Variants in SYNE3 observed in about 807,000 individuals in gnomAD.
SYNE3 encodes spectrin repeat containing nuclear envelope family member 3.
SYNE3 carries 100 observed loss-of-function variants against 111.2 expected under a neutral mutation model. The ratio of observed to expected loss-of-function variants is 0.90; its 90% CI spans 0.77 to 1.06. SYNE3 has a LOEUF of 1.06. SYNE3 is among the 50% of genes least tolerant of loss of function. The probability of loss-of-function intolerance (pLI) is 0.00; values close to 1 mark genes in which losing one functional copy is unlikely to be tolerated. For missense variants in SYNE3, 1,160 were observed against 1,240.3 expected, an observed-to-expected ratio of 0.94 and a Z score of 0.97; for synonymous variants, 547 against 533.9, an observed-to-expected ratio of 1.02 and a Z score of -0.34.
At position 95,439,699 on chromosome 14, in the gene SYNE3, G is replaced by A. The variant is rs140338587; in HGVS notation, c.2159C>T (p.Pro720Leu). 328 of 1,614,024 alleles carry A rather than the reference G, an allele frequency of 2.0e-4. No individual in the cohort carries two copies. Among genetic ancestry groups the A allele is most frequent in the Non-Finnish European group, 2.5e-4 (296 of 1,180,036 alleles). Residue 720 changes from proline to leucine, a missense_variant, in exon 13 of 18, where the codon CCG (proline) becomes CTG (leucine). Transcript: ENST00000682763. ...CTCCTGCACCACGGCAGCACCCTCC[G>A]GAGAAGACTTCTCCATCACCAGCCA... ...QGWLVMEKSS[P>L]EGAAVVQEEL... is the part of the protein sequence containing the mutation.
In SYNE3 at chr14:95,500,736, C is replaced by A. The variant is rs1245037727; in HGVS notation, c.-15+15860G>T. 6.6e-6 allele frequency among the ~76,000 whole-genome samples: 1 copy of A among 152,200 alleles called. No individual in the cohort carries two copies. Among genetic ancestry groups the A allele is most frequent in the Non-Finnish European group, 1.5e-5 (1 of 68,038 alleles). ...TTTAACATCTTTTCCCTCGCAGGAC[C>A]CTGGGTTGTCCCCAGCAGCCCCATA... is the stretch of plus-strand genomic sequence containing the variant. On this transcript the variant is annotated intron_variant, in intron 1 of 17. Coordinates refer to ENST00000682763, the MANE Select transcript of SYNE3 (RefSeq NM_152592.6). This position sits in a 1 kb window ranked among gnomAD's most constrained non-coding sequence, Gnocchi z 4.7.
rs769207782 is a variant in SYNE3 at position 95,452,394 on chromosome 14, T to C, written c.1138-11A>G. On this transcript the variant is annotated splice_polypyrimidine_tract_variant and intron_variant, in intron 6 of 17. Transcript: ENST00000682763. ...CGCCGCCCGTGTTGCCTGCAGCACA[T>C]GACGACACCGCAGCGGGAGGTGAGG... is the stretch of plus-strand genomic sequence containing the variant. 3.1e-6 allele frequency: 5 copies of C among 1,602,298 alleles called. No individual in the cohort carries two copies. Among genetic ancestry groups the C allele is most frequent in the Non-Finnish European group, 4.3e-6 (5 of 1,174,912 alleles).
chr14:95,466,303 C>G (rs1000405641), intron 3 of SYNE3, 63 bp from the exon 4 acceptor site: 11 of 1,506,822 alleles, frequency 7.3e-6, no homozygotes, highest in Non-Finnish European at 9.8e-6. Flanking sequence ...GGTCGGGGGT[C>G]TGTGCTGTCA....
intron 14 of SYNE3, 36 bp from the exon 15 acceptor site, chr14:95,437,017 AAAG>A (rs759619847): frequency 1.2e-6 from 2 of 1,613,156 alleles, no homozygotes; most frequent in Non-Finnish European, 1.7e-6. Context: ...GTCAGAGGTG[AAAG>A]AGCCCCCCTG....
chr14:95,510,363 G>A (rs1023436367), intron 1 of SYNE3, among the ~76,000 whole-genome samples: 1 of 152,156 alleles, frequency 6.6e-6, no homozygotes, highest in African/African-American at 2.4e-5. Context: ...CACAGCAACC[G>A]TGCATTAGGA....
At chr14:95,428,100 A>G (rs1056294859) in intron 17 of SYNE3, among the ~76,000 whole-genome samples, 6 of 152,204 alleles carry the variant, frequency 3.9e-5, no homozygotes, top group East Asian at 1.9e-4. Context: ...TGCACCTTCA[A>G]TGTAAGGAGA....
At position 95,500,307 on chromosome 14, in the gene SYNE3, C is replaced by A. The variant is rs1169768266; in HGVS notation, c.-15+16289G>T. On this transcript the variant is annotated intron_variant, in intron 1 of 17. Transcript: ENST00000682763. This position sits in a 1 kb window ranked among gnomAD's most constrained non-coding sequence, Gnocchi z 4.7. The stretch of plus-strand genomic sequence containing the variant: ...TTGTTCCTGCCAGAACTTTGAGACG[C>A]CAGGTTTACGACGTGCCTGTGAGAA... 6.6e-6 allele frequency among the ~76,000 whole-genome samples: 1 copy of A among 152,204 alleles called. No individual in the cohort carries two copies. Among genetic ancestry groups the A allele is most frequent in the East Asian group, 1.9e-4 (1 of 5,194 alleles).
intron 1 of SYNE3, among the ~76,000 whole-genome samples, chr14:95,493,871 A>T (rs1393190846): frequency 2.0e-5 from 3 of 152,226 alleles, no homozygotes; most frequent in Non-Finnish European, 2.9e-5. Flanking sequence ...CCAATTCAAT[A>T]GCATTTGTTG....
chr14:95,449,181 C>T (rs1886897313), intron 8 of SYNE3, among the ~76,000 whole-genome samples: 1 of 152,226 alleles, frequency 6.6e-6, no homozygotes, highest in South Asian at 2.1e-4. Context: ...ACCTCCTTCT[C>T]TCTTCCCAAA....
chr14:95,480,054 AAAAT>A (rs142586263), intron 1 of SYNE3, among the ~76,000 whole-genome samples: 10,686 of 152,100 alleles, frequency 0.07, 1,270 homozygotes, highest in African/African-American at 0.24. Flanking sequence ...ATAGGATTAA[AAAAT>A]AAATAAATAA....
At chr14:95,473,635 T>A (rs545767721) in intron 2 of SYNE3, among the ~76,000 whole-genome samples, 1 of 151,996 alleles carries the variant, frequency 6.6e-6, no homozygotes, top group Non-Finnish European at 1.5e-5. Context: ...GGTGTGACAG[T>A]GGCTGGAGCT....
intron 17 of SYNE3, among the ~76,000 whole-genome samples, chr14:95,431,191 T>G (rs1407067022): frequency 6.6e-6 from 1 of 152,226 alleles, no homozygotes; most frequent in African/African-American, 2.4e-5. Flanking sequence ...GACACCGATT[T>G]ACACTTGGCT....
At chr14:95,464,870 A>G (rs1888069163) in intron 4 of SYNE3, among the ~76,000 whole-genome samples, 1 of 152,274 alleles carries the variant, frequency 6.6e-6, no homozygotes, top group African/African-American at 2.4e-5. Context: ...AACCTCAGCC[A>G]CTAGAAAAAT....
chr14:95,505,320 G>A (rs1223981131), intron 1 of SYNE3, among the ~76,000 whole-genome samples: 1 of 152,240 alleles, frequency 6.6e-6, no homozygotes, highest in Non-Finnish European at 1.5e-5. Flanking sequence ...TAATCTAGCT[G>A]CACTGTCCCT....
intron 2 of SYNE3, 134 bp from the exon 3 acceptor site, chr14:95,468,101 C>A: frequency 2.7e-6 from 3 of 1,100,338 alleles, no homozygotes; most frequent in Non-Finnish European, 3.8e-6. Flanking sequence ...ACAGCCCCTG[C>A]ACCCCTTCTT....
At chr14:95,498,122 A>G (rs79973239) in intron 1 of SYNE3, among the ~76,000 whole-genome samples, 13,133 of 151,424 alleles carry the variant, frequency 0.087, 617 homozygotes, top group African/African-American at 0.099. Context: ...GGTATTAACA[A>G]TTTTTTTTAA....
At chr14:95,422,795 C>T (rs1433052706) in intron 17 of SYNE3, among the ~76,000 whole-genome samples, 1 of 152,252 alleles carries the variant, frequency 6.6e-6, no homozygotes, top group Non-Finnish European at 1.5e-5. Flanking sequence ...GTGTTGGCCT[C>T]TGAAGGCCCC....
chr14:95,477,626 C>A (rs960829613), intron 1 of SYNE3, among the ~76,000 whole-genome samples: 1 of 152,168 alleles, frequency 6.6e-6, no homozygotes, highest in Non-Finnish European at 1.5e-5. Flanking sequence ...GGCCATCAGA[C>A]GCGTGCTGGG....
chr14:95,446,827 T>C (rs1023289980), intron 8 of SYNE3, among the ~76,000 whole-genome samples: 2 of 152,022 alleles, frequency 1.3e-5, no homozygotes, highest in African/African-American at 2.4e-5. Flanking sequence ...CTGACCCCAT[T>C]CCCAGCCTAC....
Sources: allele counts gnomAD v4.1 joint callset (sites outside exome capture counted in the v4.1 genomes callset), GRCh38; gene constraint gnomAD v4.1.1; non-coding constraint Gnocchi (gnomAD v3.1); transcripts MANE v1.5; gene names NCBI Gene and HGNC (gene_info 2026-07-23, HGNC 2026-07-21).